The following PHETA2 variants were observed in gnomAD, a reference collection of about 807,000 sequenced individuals.
PHETA2 encodes sesquipedalian-2.
For synonymous variants in PHETA2, 133 were observed against 142.9 expected, an observed-to-expected ratio of 0.93 and a Z score of 0.50; for missense variants, 321 against 341.3, an observed-to-expected ratio of 0.94 and a Z score of 0.47.
chr22:42,077,255 T>C, intron 2 of PHETA2, 25 bp from the exon 3 acceptor site: 2 of 1,511,210 alleles, frequency 1.3e-6, no homozygotes, highest in Non-Finnish European at 1.8e-6. Context: ...CTCTCTGATC[T>C]GCTGCCATCT....
At position 42,075,020 on chromosome 22, in the gene PHETA2, C is replaced by T. The variant is rs1466216522; in HGVS notation, c.-96-551C>T. On this transcript the variant is annotated intron_variant, in intron 1 of 2. Coordinates refer to ENST00000321753, the MANE Select transcript of PHETA2 (RefSeq NM_001002034.3). The surrounding 1 kb of genome is among the most constrained non-coding windows in gnomAD (Gnocchi z 4.8). ...CACTGATGTATCCCCATTAATTCAA[C>T]AGATCCCTCCTGAGGGCCTCTCTGA... Among the ~76,000 whole-genome samples, 1 of 152,226 alleles carries T rather than the reference C, an allele frequency of 6.6e-6. No homozygotes were observed. The highest frequency in any genetic ancestry group is 1.5e-5 in the Non-Finnish European group (1 of 68,042).
chr22:42,077,393 C>T lies in PHETA2; in HGVS notation c.100C>T (p.Pro34Ser), dbSNP rs775937104. 6.2e-7 allele frequency: 1 copy of T among 1,608,368 alleles called. No homozygotes were observed. The change falls in exon 3 of 3, where the codon CCG becomes TCG. Residue 34 changes from proline (P) to serine (S), a missense_variant. Coordinates refer to ENST00000321753, the MANE Select transcript of PHETA2 (RefSeq NM_001002034.3). The stretch of plus-strand genomic sequence containing the variant: ...CACCTGGGGGGGCCCAGGGACCCCA[C>T]CGACCCCCAGTGGCACTGGCCGAAG... Reference protein sequence around the residue: ...LRTWGGPGTPPTPSGTGRRCW... With the variant: ...LRTWGGPGTPSTPSGTGRRCW...
Position 42,077,539 on chromosome 22 carries a change from C to G in PHETA2, c.246C>G (p.Pro82=). Residue 82 remains proline, a synonymous_variant, in exon 3 of 3, where the codon CCC becomes CCG. Transcript: ENST00000321753. ...CTVELAEAPV[P]EEFAFAICFD... is the part of the protein sequence containing the mutation. ...TGGAACTGGCCGAGGCTCCCGTGCC[C>G]GAGGAGTTTGCCTTTGCCATCTGCT... is the stretch of plus-strand genomic sequence containing the variant. The G allele has an allele frequency of 6.2e-7, 1 of 1,614,154 alleles. No individual in the cohort carries two copies. Among genetic ancestry groups the G allele is most frequent in the Non-Finnish European group, 8.5e-7 (1 of 1,180,024 alleles).
In PHETA2 at chr22:42,077,754, C is replaced by G. The variant is rs1330914175; in HGVS notation, c.461C>G (p.Ala154Gly). The G allele has an allele frequency of 6.2e-7, 1 of 1,613,382 alleles. No homozygotes were observed. Among genetic ancestry groups the G allele is most frequent in the Admixed American group, 1.7e-5 (1 of 60,028 alleles). Reference sequence around the variant, plus strand: ...CGCCGCTCATCCTGGAAGTCTGTTGCCAGCCGCTGTAAGCCCCAGGCTCCT... The same window carrying G: ...CGCCGCTCATCCTGGAAGTCTGTTGGCAGCCGCTGTAAGCCCCAGGCTCCT... ...LQRRSSWKSV[A>G]SRCKPQAPNH... The change falls in exon 3 of 3, where the codon GCC becomes GGC. Residue 154 changes from alanine (A) to glycine (G), a missense_variant. Coordinates refer to ENST00000321753, the MANE Select transcript of PHETA2 (RefSeq NM_001002034.3).
rs779191581 is a variant in PHETA2, at chr22:42,077,467, C to T, written c.174C>T (p.Arg58=). 42 of 1,613,896 alleles carry T rather than the reference C, an allele frequency of 2.6e-5. No homozygotes were observed. Among genetic ancestry groups the T allele is most frequent in the East Asian group, 8.9e-5 (4 of 44,892 alleles). The change falls in exon 3 of 3, where the codon CGC becomes CGT. Residue 58 remains arginine, a synonymous_variant. Transcript: ENST00000321753. Reference sequence around the variant, plus strand: ...ACCTGCTATTCTCCTTTGAGAGTCGCGAGGGCCGGGCCCCACTGAGCCTGG... The same window carrying T: ...ACCTGCTATTCTCCTTTGAGAGTCGTGAGGGCCGGGCCCCACTGAGCCTGG... ...KGNLLFSFES[R]EGRAPLSLVV...
intron 2 of PHETA2, chr22:42,076,298 TTTC>T (rs1340856429): frequency 1.3e-5 from 2 of 152,496 alleles, no homozygotes; most frequent in African/African-American, 2.4e-5. Context: ...ATCAATGTTA[TTTC>T]TTTTTTTTTT....
chr22:42,076,147 G>C (rs1259507911), intron 2 of PHETA2: 1 of 219,992 alleles, frequency 4.5e-6, no homozygotes, highest in African/African-American at 2.3e-5. Flanking sequence ...TCACGCTCAT[G>C]AACTACAAAA....
At chr22:42,077,039 T>G (rs1010635548) in intron 2 of PHETA2, among the ~76,000 whole-genome samples, 3 of 152,136 alleles carry the variant, frequency 2.0e-5, no homozygotes, top group African/African-American at 7.2e-5. Context: ...ATCTCGTTAT[T>G]CTTTTCTCGA....
Position 42,079,389 on chromosome 22 carries a change from TAC to T in PHETA2, c.*1318_*1319del, listed in dbSNP as rs1927532209. The stretch of plus-strand genomic sequence containing the variant: ...ATAGCACGGGCCTTTCTCTTATTGC[TAC>T]AGTGTTTTGTACACGGTTAAAACAC... On this transcript the variant is annotated 3_prime_UTR_variant, in exon 3 of 3. Transcript: ENST00000321753. 1 of 235,248 alleles carries T rather than the reference TAC, an allele frequency of 4.3e-6. No individual in the cohort carries two copies. Among genetic ancestry groups the T allele is most frequent in the Non-Finnish European group, 8.9e-6 (1 of 112,044 alleles). The allele number at this position is 235,248 out of a possible 1,614,324, so 14.6% of individuals were successfully genotyped here.
rs780512734 is a variant in PHETA2, at chr22:42,077,946, C to A, written c.653C>A (p.Ser218Tyr). The change falls in exon 3 of 3, where the codon TCC (serine) becomes TAC (tyrosine). Residue 218 changes from serine (S) to tyrosine (Y), a missense_variant. Coordinates refer to ENST00000321753, the MANE Select transcript of PHETA2 (RefSeq NM_001002034.3). Reference sequence around the variant, plus strand: ...CTAGGCAAGGGGCAGAGCCCTGTGTCCCCTGAGACCTCCTGCTTCTCTACC... The same window carrying A: ...CTAGGCAAGGGGCAGAGCCCTGTGTACCCTGAGACCTCCTGCTTCTCTACC... ...LLLGKGQSPV[S>Y]PETSCFSTLH... 27 of 1,612,024 alleles carry A rather than the reference C, an allele frequency of 1.7e-5. No homozygotes were observed. In the South Asian group the frequency reaches 2.8e-4, roughly 16 times the overall value.
At position 42,077,862 on chromosome 22, in the gene PHETA2, G is replaced by A. The variant is rs369577093; in HGVS notation, c.569G>A (p.Ser190Asn). The change falls in exon 3 of 3, where the codon AGC becomes AAC. Residue 190 changes from serine (S) to asparagine (N), a missense_variant. Coordinates refer to ENST00000321753, the MANE Select transcript of PHETA2 (RefSeq NM_001002034.3). ...GTGGGCTTGGTTGAAGAAGCGGGCA[G>A]CAGGTCTGCAGGGTGGGGGTTGGCT... ...SPVGLVEEAGSRSAGWGLAEW... is the reference protein window; with the variant it reads ...SPVGLVEEAGNRSAGWGLAEW... 1.1e-5 allele frequency: 17 copies of A among 1,613,542 alleles called. No individual in the cohort carries two copies. The highest frequency in any genetic ancestry group is 2.2e-5 in the East Asian group (1 of 44,882).
chr22:42,076,311 T>C (rs1927279449), intron 2 of PHETA2: 1 of 152,398 alleles, frequency 6.6e-6, no homozygotes, highest in Non-Finnish European at 1.5e-5. Flanking sequence ...CTTTTTTTTT[T>C]TTTGAGATGG....
Position 42,077,716 on chromosome 22 carries a change from CCTGG to C in PHETA2, c.426_429del (p.Ala143CysfsTer67). On this transcript the variant is annotated frameshift_variant, in exon 3 of 3. Transcript: ENST00000321753. LOFTEE classifies it low-confidence loss of function (END_TRUNC). Reference sequence around the variant, plus strand: ...GCCAGTTGCAGGACGCACGCCAGAGCCTGGCTTTGCAACGCCGCTCATCCTGGAA... The same window carrying C: ...GCCAGTTGCAGGACGCACGCCAGAGCCTTTGCAACGCCGCTCATCCTGGAA... 1 of 1,614,074 alleles carries C rather than the reference CCTGG, an allele frequency of 6.2e-7. No individual in the cohort carries two copies. Among genetic ancestry groups the C allele is most frequent in the South Asian group, 1.1e-5 (1 of 91,090 alleles).
In PHETA2 at chr22:42,077,122, G is replaced by T. The variant is rs944796265; in HGVS notation, c.-14-158G>T. ...TTGAGAGAAAAGGAAGGAAAGACGA[G>T]CCCACTTCTCAGGAGACTTTAGGGA... On this transcript the variant is annotated intron_variant, in intron 2 of 2. Transcript: ENST00000321753. 2.6e-5 allele frequency among the ~76,000 whole-genome samples: 4 copies of T among 152,180 alleles called. No individual in the cohort carries two copies. The South Asian group carries it at 8.3e-4, about 32-fold the overall frequency.
chr22:42,078,184 C>T lies in PHETA2; in HGVS notation c.*111C>T. The T allele has an allele frequency of 4.8e-5, 60 of 1,252,974 alleles. No individual in the cohort carries two copies. In the East Asian group the frequency reaches 9.0e-4, roughly 19 times the overall value. The allele number at this position is 1,252,974 out of a possible 1,614,324, so 77.6% of individuals were successfully genotyped here. A position where few individuals can be genotyped will look rare whatever the true frequency, so the allele number is the denominator to read the frequency against. On this transcript the variant is annotated 3_prime_UTR_variant, in exon 3 of 3. Coordinates refer to ENST00000321753, the MANE Select transcript of PHETA2 (RefSeq NM_001002034.3). ...GGGGACATGGGTTCTCTCCTTCCTGCTATTTAGGCATTCTCCAGGTTCGAG... is the reference window on the plus strand; with the variant it reads ...GGGGACATGGGTTCTCTCCTTCCTGTTATTTAGGCATTCTCCAGGTTCGAG...
At position 42,078,134 on chromosome 22, in the gene PHETA2, C is replaced by G. The variant is rs1807494; in HGVS notation, c.*61C>G. 489,738 of 1,455,656 alleles carry G rather than the reference C, an allele frequency of 0.34. 84,999 individuals are homozygous for G. The highest frequency in any genetic ancestry group is 0.51 in the African/African-American group (35,505 of 69,958). 90.2% of individuals were successfully genotyped at this position (1,455,656 alleles called of 1,614,324 possible). ...TCTTTTTCAGGAGTTAAATGTTTACCCATTTCCAAGGTTGCGTTTTGGGAG... is the reference window on the plus strand; with the variant it reads ...TCTTTTTCAGGAGTTAAATGTTTACGCATTTCCAAGGTTGCGTTTTGGGAG... On this transcript the variant is annotated 3_prime_UTR_variant, in exon 3 of 3. Coordinates refer to ENST00000321753, the MANE Select transcript of PHETA2 (RefSeq NM_001002034.3).
chr22:42,077,537 C>T lies in PHETA2; in HGVS notation c.244C>T (p.Pro82Ser). ...CTVELAEAPV[P>S]EEFAFAICFD... is the part of the protein sequence containing the mutation. ...AGTGGAACTGGCCGAGGCTCCCGTG[C>T]CCGAGGAGTTTGCCTTTGCCATCTG... is the stretch of plus-strand genomic sequence containing the variant. The change falls in exon 3 of 3, where the codon CCC (proline) becomes TCC (serine). Residue 82 changes from proline (P) to serine (S), a missense_variant. Transcript: ENST00000321753. 6.2e-7 allele frequency: 1 copy of T among 1,614,178 alleles called. No individual in the cohort carries two copies.
rs1417888246 is a variant in PHETA2 at position 42,076,896 on chromosome 22, G to A, written c.-14-384G>A. The stretch of plus-strand genomic sequence containing the variant: ...TTGGCCTCAGAGTTGGAGTTGAGAG[G>A]ACCCCAGATGAGGGGATAGTTTAAG... On this transcript the variant is annotated intron_variant, in intron 2 of 2. Coordinates refer to ENST00000321753, the MANE Select transcript of PHETA2 (RefSeq NM_001002034.3). Among the ~76,000 whole-genome samples the A allele has an allele frequency of 2.0e-5, 3 of 152,222 alleles. 1 individual carries two copies. The highest frequency in any genetic ancestry group is 1.5e-5 in the Non-Finnish European group (1 of 68,016).
Position 42,077,305 on chromosome 22 carries a change from C to G in PHETA2, c.12C>G (p.Asn4Lys), listed in dbSNP as rs199537712. MKLNERSVAHYALS... is the reference protein window; with the variant it reads MKLKERSVAHYALS... Reference sequence around the variant, plus strand: ...TTCCCGTGGGAGCCATGAAGCTGAACGAGAGGAGTGTAGCCCACTATGCAC... The same window carrying G: ...TTCCCGTGGGAGCCATGAAGCTGAAGGAGAGGAGTGTAGCCCACTATGCAC... Residue 4 changes from asparagine (N) to lysine (K), a missense_variant, in exon 3 of 3, where the codon AAC becomes AAG. Coordinates refer to ENST00000321753, the MANE Select transcript of PHETA2 (RefSeq NM_001002034.3). 3 of 1,524,682 alleles carry G rather than the reference C, an allele frequency of 2.0e-6. No individual in the cohort carries two copies. The highest frequency in any genetic ancestry group is 2.3e-5 in the East Asian group (1 of 44,084). The allele number at this position is 1,524,682 out of a possible 1,614,324, so 94.4% of individuals were successfully genotyped here. A position where few individuals can be genotyped will look rare whatever the true frequency, so the allele number is the denominator to read the frequency against.
Sources: allele counts gnomAD v4.1 joint callset (sites outside exome capture counted in the v4.1 genomes callset), GRCh38; gene constraint gnomAD v4.1.1; non-coding constraint Gnocchi (gnomAD v3.1); transcripts MANE v1.5; gene names NCBI Gene and HGNC (gene_info 2026-07-23, HGNC 2026-07-21).